MOGAT1: variants seen among roughly 807,000 people sequenced by gnomAD.
The protein encoded by MOGAT1 is monoacylglycerol O-acyltransferase 1.
In MOGAT1, 32 loss-of-function variants were observed where a neutral mutation model predicts 31.4. The ratio of observed to expected loss-of-function variants is 1.02; its 90% CI spans 0.77 to 1.37. MOGAT1 has a LOEUF of 1.37. Ranked by LOEUF, MOGAT1 falls within the 40% of genes most tolerant of loss-of-function variation. The pLI, the probability that MOGAT1 is intolerant of heterozygous loss-of-function variation, is 0.00. For missense variants in MOGAT1, 426 were observed against 402.0 expected (o/e 1.06, Z -0.51); for synonymous variants, 145 against 144.5 (o/e 1.00, Z -0.03).
chr2:222,684,185 C>T (rs1484447432), intron 1 of MOGAT1, among the ~76,000 whole-genome samples: 7 of 152,064 alleles, frequency 4.6e-5, no homozygotes, highest in Admixed American at 6.5e-5. Context: ...GGGTGGATCA[C>T]CTGAGGTCAG....
chr2:222,696,925 A>G (rs561592680), intron 5 of MOGAT1, among the ~76,000 whole-genome samples: 1 of 152,252 alleles, frequency 6.6e-6, no homozygotes, highest in East Asian at 1.9e-4. Context: ...TTGTAATCCC[A>G]GTGCTTTGGG....
chr2:222,679,754 C>G (rs566757380), intron 1 of MOGAT1, among the ~76,000 whole-genome samples: 42 of 152,306 alleles, frequency 2.8e-4, no homozygotes, highest in Admixed American at 5.2e-4. Context: ...CTCCAGCAGA[C>G]CTGAGCAAAC....
intron 1 of MOGAT1, among the ~76,000 whole-genome samples, chr2:222,681,432 G>T (rs1692579247): frequency 6.6e-6 from 1 of 152,186 alleles, no homozygotes; most frequent in African/African-American, 2.4e-5. Flanking sequence ...TGATATAGAT[G>T]ATTAGGTACC....
chr2:222,704,562 T>G (rs1692976081), intron 5 of MOGAT1, among the ~76,000 whole-genome samples: 1 of 151,478 alleles, frequency 6.6e-6, no homozygotes, highest in Non-Finnish European at 1.5e-5. Context: ...AGGCGGAGCT[T>G]GCAGTGAGCC....
At chr2:222,680,019 C>T (rs562470045) in intron 1 of MOGAT1, among the ~76,000 whole-genome samples, 4 of 151,938 alleles carry the variant, frequency 2.6e-5, no homozygotes, top group South Asian at 2.1e-4. Context: ...CACCATTTCT[C>T]GGTAAAAGCT....
At chr2:222,705,469 A>G (rs1268699151) in intron 5 of MOGAT1, among the ~76,000 whole-genome samples, 1 of 152,218 alleles carries the variant, frequency 6.6e-6, no homozygotes, top group African/African-American at 2.4e-5. Context: ...CAAGGCCCTG[A>G]TGAGCTATTC....
intron 5 of MOGAT1, among the ~76,000 whole-genome samples, chr2:222,705,402 T>A (rs1048157468): frequency 6.6e-6 from 1 of 152,198 alleles, no homozygotes; most frequent in Non-Finnish European, 1.5e-5. Context: ...GTTGCACTGA[T>A]TCCAGTGCCT....
intron 5 of MOGAT1, among the ~76,000 whole-genome samples, chr2:222,709,317 T>C (rs1005648048): frequency 2.6e-5 from 4 of 152,128 alleles, no homozygotes; most frequent in African/African-American, 9.7e-5. Flanking sequence ...TAAGACTCTG[T>C]CTCAAAAAGA....
intron 5 of MOGAT1, among the ~76,000 whole-genome samples, chr2:222,701,464 AAGAAAGAAAG>A (rs1692922644): frequency 6.7e-6 from 1 of 150,326 alleles, no homozygotes; most frequent in Non-Finnish European, 1.5e-5. Flanking sequence ...AGGAAGGAAA[AAGAAAGAAAG>A]AGAAAGAAAG....
intron 5 of MOGAT1, among the ~76,000 whole-genome samples, chr2:222,709,520 G>C (rs1406557125): frequency 6.6e-6 from 1 of 152,196 alleles, no homozygotes; most frequent in East Asian, 1.9e-4. Flanking sequence ...CCAGGGTCCC[G>C]ACAATCCAGT....
At chr2:222,693,448 G>GT (rs11331017) in intron 3 of MOGAT1, among the ~76,000 whole-genome samples, 1,481 of 116,156 alleles carry the variant, frequency 0.013, 12 homozygotes, top group East Asian at 0.019. Flanking sequence ...CAAATGTCTT[G>GT]TTTTTTTTTT....
intron 1 of MOGAT1, among the ~76,000 whole-genome samples, chr2:222,684,584 T>C (rs1238598527): frequency 6.6e-6 from 1 of 152,082 alleles, no homozygotes; most frequent in African/African-American, 2.4e-5. Context: ...GTATCTTACT[T>C]CTTTTTTTTT....
intron 1 of MOGAT1, among the ~76,000 whole-genome samples, chr2:222,683,059 C>G (rs1053552727): frequency 2.0e-5 from 3 of 151,968 alleles, no homozygotes; most frequent in Non-Finnish European, 4.4e-5. Flanking sequence ...CAAAAATTAG[C>G]CAGGTATCAT....
intron 5 of MOGAT1, among the ~76,000 whole-genome samples, chr2:222,703,777 T>C (rs1692964709): frequency 6.6e-6 from 1 of 152,182 alleles, no homozygotes; most frequent in Non-Finnish European, 1.5e-5. Flanking sequence ...CATGAGACTA[T>C]TAGAACAATC....
intron 5 of MOGAT1, among the ~76,000 whole-genome samples, chr2:222,703,411 T>C (rs1455926272): frequency 6.6e-6 from 1 of 152,060 alleles, no homozygotes; most frequent in Admixed American, 6.6e-5. Context: ...TGTTTTGTTT[T>C]TTGTTTGTTT....
chr2:222,673,039 G>A (rs1019667220), intron 1 of MOGAT1, among the ~76,000 whole-genome samples: 25 of 151,676 alleles, frequency 1.6e-4, no homozygotes, highest in East Asian at 5.8e-4. Context: ...TCAGCCTGCC[G>A]AGTAGCTGGG....
chr2:222,690,202 C>T (rs574566582), intron 3 of MOGAT1, among the ~76,000 whole-genome samples: 5 of 152,194 alleles, frequency 3.3e-5, no homozygotes, highest in East Asian at 1.9e-4. Context: ...CTGCAGTGAC[C>T]GGAGATGGTG....
intron 1 of MOGAT1, among the ~76,000 whole-genome samples, chr2:222,682,705 T>G (rs4674679): frequency 0.42 from 64,623 of 152,116 alleles, 15,704 homozygotes; most frequent in African/African-American, 0.68. Context: ...GCATGAATTA[T>G]CAGATTACAG....
At chr2:222,687,334 C>T (rs1284564456) in intron 1 of MOGAT1, among the ~76,000 whole-genome samples, 1 of 151,900 alleles carries the variant, frequency 6.6e-6, no homozygotes, top group Non-Finnish European at 1.5e-5. Flanking sequence ...GAAATGAACC[C>T]TAGATTGGAG....
Sources: allele counts gnomAD v4.1 joint callset (sites outside exome capture counted in the v4.1 genomes callset), GRCh38; gene constraint gnomAD v4.1.1; transcripts MANE v1.5; gene names NCBI Gene and HGNC (gene_info 2026-07-23, HGNC 2026-07-21).